The following PI4KA variants were observed in gnomAD, a reference collection of about 807,000 sequenced individuals.
PI4KA encodes the protein phosphatidylinositol 4-kinase alpha.
Under a neutral mutation model 271.4 loss-of-function variants are expected in PI4KA, and 122 were observed. The observed-to-expected ratio is 0.45, with a 90% CI of 0.39 to 0.52. The LOEUF (loss-of-function observed/expected upper bound fraction) is 0.52. Among genes scored for constraint, PI4KA ranks in the 20% least tolerant of loss-of-function variants. PI4KA has a pLI of 0.00. For synonymous variants in PI4KA, 1,041 were observed against 1,078.8 expected (o/e 0.96, Z 0.69); for missense variants, 1,969 against 2,769.1 (o/e 0.71, Z 6.48).
chr22:20,728,863 G>C (rs1008948436), intron 39 of PI4KA, among the ~76,000 whole-genome samples: 2 of 152,148 alleles, frequency 1.3e-5, no homozygotes, highest in African/African-American at 4.8e-5. Flanking sequence ...GTCCCCATAA[G>C]AGCTGCCACA....
In PI4KA at chr22:20,735,292, C is replaced by T. The variant is rs1433795717; in HGVS notation, c.3742-739G>A. On this transcript the variant is annotated intron_variant, in intron 32 of 54. Coordinates refer to ENST00000255882, the MANE Select transcript of PI4KA (RefSeq NM_058004.4). ...CCAACAAACAGCATTTGGCATCTGG[C>T]CAAAGAGGATTCTATCCCTCTGTTG... 2.7e-5 allele frequency among the ~76,000 whole-genome samples: 4 copies of T among 150,350 alleles called. No homozygotes were observed. The South Asian group carries it at 6.4e-4, about 24-fold the overall frequency.
chr22:20,778,700 T>C (rs945260351), intron 19 of PI4KA, among the ~76,000 whole-genome samples: 4 of 152,112 alleles, frequency 2.6e-5, no homozygotes, highest in African/African-American at 9.7e-5. Context: ...TGAGTCCCAC[T>C]AATGCACATC....
At chr22:20,786,150 T>C in intron 19 of PI4KA, 8 of 1,613,976 alleles carry the variant, frequency 5.0e-6, no homozygotes, top group Non-Finnish European at 6.8e-6. Flanking sequence ...ATCGACCTGG[T>C]AACCACTCCC....
intron 45 of PI4KA, among the ~76,000 whole-genome samples, chr22:20,715,942 G>C (rs1925944887): frequency 6.6e-6 from 1 of 152,196 alleles, no homozygotes; most frequent in South Asian, 2.1e-4. Flanking sequence ...CCAGGCTGGA[G>C]TGCAGTGGTG....
intron 2 of PI4KA, among the ~76,000 whole-genome samples, chr22:20,836,410 G>T (rs1022025727): frequency 5.3e-5 from 8 of 152,216 alleles, no homozygotes; most frequent in African/African-American, 1.9e-4. Context: ...AAAGGAACTG[G>T]CTAAGACATC....
intron 19 of PI4KA, among the ~76,000 whole-genome samples, chr22:20,781,509 G>C (rs1052507556): frequency 3.9e-5 from 6 of 152,206 alleles, no homozygotes; most frequent in Non-Finnish European, 8.8e-5. Context: ...AGGGAAAGGG[G>C]GCCAGAGCCC....
rs113469872 is a variant in PI4KA at position 20,824,109 on chromosome 22, GA to G, written c.456+216del. Among the ~76,000 whole-genome samples the G allele has an allele frequency of 9.7e-3, 1,006 of 103,566 alleles. 7 individuals carry two copies. The highest frequency in any genetic ancestry group is 0.032 in the Admixed American group (339 of 10,492). 67.9% of individuals were successfully genotyped at this position (103,566 alleles called of 152,430 possible). ...AGCCCCTGCCCTTCATTAGAAAAAAGAAAAAAAAAAAAAGAAAAGTTTAATA... is the reference window on the plus strand; with the variant it reads ...AGCCCCTGCCCTTCATTAGAAAAAAGAAAAAAAAAAAAGAAAAGTTTAATA... On this transcript the variant is annotated intron_variant, in intron 4 of 54. Transcript: ENST00000255882.
chr22:20,751,529 C>T (rs1009994664), intron 26 of PI4KA, 145 bp downstream of exon 26: 6 of 939,834 alleles, frequency 6.4e-6, no homozygotes, highest in Non-Finnish European at 1.0e-5. Context: ...ATTTGGGCCC[C>T]CTCACCCCCA....
At chr22:20,713,014 T>C (rs1177069613) in intron 48 of PI4KA, 1 of 616,728 alleles carries the variant, frequency 1.6e-6, no homozygotes, top group African/African-American at 1.9e-5. Context: ...GAGGCTGAGC[T>C]GTCTGGTGGG....
At chr22:20,766,769 T>C (rs1932571621) in intron 19 of PI4KA, among the ~76,000 whole-genome samples, 1 of 152,160 alleles carries the variant, frequency 6.6e-6, no homozygotes, top group Non-Finnish European at 1.5e-5. Flanking sequence ...GTTGAGCCTG[T>C]GGTAAGCGGG....
rs550992559 is a variant in PI4KA at position 20,760,417 on chromosome 22, A to C, written c.2791+887T>G. Among the ~76,000 whole-genome samples, 7 of 152,330 alleles carry C rather than the reference A, an allele frequency of 4.6e-5. No individual in the cohort carries two copies. The East Asian group carries it at 1.3e-3, about 29-fold the overall frequency. On this transcript the variant is annotated intron_variant, in intron 23 of 54. Transcript: ENST00000255882. ...TGGCCAAAAAGTGCTTATACGCAGC[A>C]TTTAACTTTTTCCTTTGTTGTCTCT...
At chr22:20,725,523 G>A in intron 42 of PI4KA, 1 of 449,964 alleles carries the variant, frequency 2.2e-6, no homozygotes, top group South Asian at 1.6e-5. Context: ...TATGACAGGT[G>A]TTCTTATAAG....
chr22:20,847,960 G>A (rs541069665), intron 1 of PI4KA, among the ~76,000 whole-genome samples: 5 of 152,190 alleles, frequency 3.3e-5, no homozygotes, highest in South Asian at 2.1e-4. Flanking sequence ...AATACAGGCC[G>A]AGCACAGTGG....
rs777546097 is a variant in PI4KA at position 20,838,572 on chromosome 22, C to G, written c.273+43G>C. ...ATACAAACTTAAACGCTCACTACAC[C>G]CCCTTTTACAATGAAGAAACTTTTA... is the stretch of plus-strand genomic sequence containing the variant. On this transcript the variant is annotated intron_variant, in intron 2 of 54. Transcript: ENST00000255882. 3 of 1,080,956 alleles carry G rather than the reference C, an allele frequency of 2.8e-6. No homozygotes were observed. In the South Asian group the frequency reaches 3.8e-5, roughly 14 times the overall value. 67.0% of individuals were successfully genotyped at this position (1,080,956 alleles called of 1,614,324 possible). A position where few individuals can be genotyped will look rare whatever the true frequency, so the allele number is the denominator to read the frequency against.
intron 3 of PI4KA, among the ~76,000 whole-genome samples, chr22:20,825,018 C>T (rs964559767): frequency 1.5e-5 from 2 of 135,602 alleles, no homozygotes; most frequent in African/African-American, 2.8e-5. Context: ...TCCAGTGAGC[C>T]GAGATCGCAC....
intron 1 of PI4KA, among the ~76,000 whole-genome samples, chr22:20,846,842 A>AG (rs1480323899): frequency 6.7e-6 from 1 of 149,646 alleles, no homozygotes; most frequent in East Asian, 1.9e-4. Context: ...GCTCAAAAAA[A>AG]AAAAAAAAAA....
rs1369971232 is a variant in PI4KA, at chr22:20,798,608, T to C, written c.2084A>G (p.Lys695Arg). 18 of 1,612,204 alleles carry C rather than the reference T, an allele frequency of 1.1e-5. No individual in the cohort carries two copies. The highest frequency in any genetic ancestry group is 4.0e-5 in the African/African-American group (3 of 74,998). The change falls in exon 17 of 55, where the codon AAA becomes AGA. Residue 695 changes from lysine to arginine, a missense_variant. Physicochemically the swap from Lys to Arg is conservative, Grantham distance 26. Transcript: ENST00000255882. ...KASSVVYSATKDYKDHGYRHC... is the reference protein window; with the variant it reads ...KASSVVYSATRDYKDHGYRHC... ...CCTATAGCCGTGGTCCTTGTAATCTTTGGTGGCTGAGTATACAACGGAGCT... is the reference window on the plus strand; with the variant it reads ...CCTATAGCCGTGGTCCTTGTAATCTCTGGTGGCTGAGTATACAACGGAGCT...
Position 20,765,446 on chromosome 22 carries a change from C to T in PI4KA, c.2437+139G>A, listed in dbSNP as rs1170926283. Reference sequence around the variant, plus strand: ...TAAACTACATCTGGGGACAGTAACACTTGCTAATACTTGCAGAAAGAAGCA... The same window carrying T: ...TAAACTACATCTGGGGACAGTAACATTTGCTAATACTTGCAGAAAGAAGCA... On this transcript the variant is annotated intron_variant, in intron 20 of 54. Coordinates refer to ENST00000255882, the MANE Select transcript of PI4KA (RefSeq NM_058004.4). The T allele has an allele frequency of 1.9e-5, 14 of 748,318 alleles. No individual in the cohort carries two copies. The South Asian group carries it at 2.2e-4, about 12-fold the overall frequency. The allele number at this position is 748,318 out of a possible 1,614,324, so 46.4% of individuals were successfully genotyped here. A position where few individuals can be genotyped will look rare whatever the true frequency, so the allele number is the denominator to read the frequency against.
chr22:20,727,632 C>G, intron 40 of PI4KA, 142 bp downstream of exon 40: 1 of 711,212 alleles, frequency 1.4e-6, no homozygotes, highest in Non-Finnish European at 2.4e-6. Flanking sequence ...AAATAGAAAA[C>G]ACAGGAAATC....
Sources: gnomAD v4.1 joint callset for allele counts (sites outside exome capture counted in the v4.1 genomes callset) on GRCh38, gnomAD v4.1.1 for gene constraint, MANE v1.5 for transcripts, NCBI Gene and HGNC (gene_info 2026-07-23, HGNC 2026-07-21) for gene names.